Variants in TBC1D9 observed in about 807,000 individuals in gnomAD.
The protein encoded by TBC1D9 is TBC1 domain family member 9A.
TBC1D9 carries 63 observed loss-of-function variants against 132.0 expected under a neutral mutation model. The observed-to-expected ratio is 0.48, with a 90% CI of 0.39 to 0.59. The LOEUF (loss-of-function observed/expected upper bound fraction) is 0.59, where lower values mean the gene tolerates loss of function less well. TBC1D9 is among the 20% of genes least tolerant of loss of function. The pLI is 0.00. For missense variants in TBC1D9, 1,261 were observed against 1,592.7 expected (o/e 0.79, Z 3.54); for synonymous variants, 610 against 609.9 (o/e 1.00, Z 0.00).
intron 9 of TBC1D9, among the ~76,000 whole-genome samples, chr4:140,664,224 A>G (rs1356517637): frequency 6.6e-6 from 1 of 152,180 alleles, no homozygotes; most frequent in Admixed American, 6.5e-5. Flanking sequence ...ACAACGCATG[A>G]ATGAGTTCAT....
intron 13 of TBC1D9, among the ~76,000 whole-genome samples, chr4:140,649,640 T>A (rs1315149821): frequency 6.6e-6 from 1 of 151,940 alleles, no homozygotes; most frequent in Admixed American, 6.6e-5. Flanking sequence ...CCCCACACAC[T>A]CCCCCTTGAC....
intron 6 of TBC1D9, 30 bp downstream of exon 6, chr4:140,676,864 T>C (rs1453021653): frequency 2.5e-6 from 4 of 1,608,004 alleles, no homozygotes; most frequent in African/African-American, 1.3e-5. Flanking sequence ...CAAATGAAAC[T>C]TAAAATATCA....
intron 13 of TBC1D9, among the ~76,000 whole-genome samples, chr4:140,649,459 A>G (rs373352919): frequency 6.6e-6 from 1 of 152,002 alleles, no homozygotes; most frequent in African/African-American, 2.4e-5. Flanking sequence ...ATCAGAAAAA[A>G]CTCCAAATAC....
At chr4:140,726,166 G>GT (rs1436598066) in intron 1 of TBC1D9, among the ~76,000 whole-genome samples, 1 of 152,042 alleles carries the variant, frequency 6.6e-6, no homozygotes, top group African/African-American at 2.4e-5. Context: ...GTGCATGCCT[G>GT]TAATCCCAGC....
chr4:140,643,435 G>T, intron 13 of TBC1D9: 1 of 953,340 alleles, frequency 1.0e-6, no homozygotes. Context: ...AGGCCGGGCA[G>T]GAACTGCTCA....
intron 2 of TBC1D9, among the ~76,000 whole-genome samples, chr4:140,690,804 C>T (rs1391514879): frequency 2.0e-5 from 3 of 152,028 alleles, no homozygotes; most frequent in Non-Finnish European, 4.4e-5. Context: ...TGGTAAAGGG[C>T]AGAGCATGGT....
At chr4:140,703,617 A>C (rs1312110255) in intron 1 of TBC1D9, among the ~76,000 whole-genome samples, 1 of 152,208 alleles carries the variant, frequency 6.6e-6, no homozygotes, top group East Asian at 1.9e-4. Flanking sequence ...TAGACCATGC[A>C]GAAGTCCTAC....
intron 13 of TBC1D9, among the ~76,000 whole-genome samples, chr4:140,656,596 C>T (rs982497011): frequency 6.6e-6 from 1 of 152,198 alleles, no homozygotes; most frequent in African/African-American, 2.4e-5. Context: ...CCCAGCAAGG[C>T]TTTGTCTCTT....
chr4:140,630,894 C>T (rs1736784018), intron 16 of TBC1D9, among the ~76,000 whole-genome samples: 1 of 152,142 alleles, frequency 6.6e-6, no homozygotes, highest in Non-Finnish European at 1.5e-5. Flanking sequence ...TAGAACTTTA[C>T]TTGAATTGTT....
chr4:140,686,229 C>G (rs1319773312), intron 3 of TBC1D9, 115 bp downstream of exon 3: 2 of 622,300 alleles, frequency 3.2e-6, no homozygotes, highest in East Asian at 5.8e-5. Flanking sequence ...AAAATGTTAA[C>G]AGGTGAATTT....
At chr4:140,667,913 G>GT (rs1177526493) in intron 9 of TBC1D9, among the ~76,000 whole-genome samples, 15 of 151,916 alleles carry the variant, frequency 9.9e-5, no homozygotes, top group African/African-American at 3.4e-4. Flanking sequence ...AGAGCTATAG[G>GT]TTTTTTTAAA....
intron 6 of TBC1D9, among the ~76,000 whole-genome samples, chr4:140,672,477 C>G (rs1399065322): frequency 6.6e-6 from 1 of 152,008 alleles, no homozygotes; most frequent in Non-Finnish European, 1.5e-5. Context: ...TTTACTGGCT[C>G]TTTTGGTCAT....
chr4:140,693,988 T>C (rs1183476532), intron 2 of TBC1D9, among the ~76,000 whole-genome samples: 1 of 152,244 alleles, frequency 6.6e-6, no homozygotes, highest in Non-Finnish European at 1.5e-5. Flanking sequence ...GGAACATAAA[T>C]GTCTATCTTT....
Position 140,657,940 on chromosome 4 carries a change from T to C in TBC1D9, c.1922-128A>G, listed in dbSNP as rs1415005816. 9 of 1,074,286 alleles carry C rather than the reference T, an allele frequency of 8.4e-6. No individual in the cohort carries two copies. The East Asian group carries it at 1.9e-4, about 23-fold the overall frequency. The allele number at this position is 1,074,286 out of a possible 1,614,324, so 66.5% of individuals were successfully genotyped here. On this transcript the variant is annotated intron_variant, in intron 11 of 20. Coordinates refer to ENST00000442267, the MANE Select transcript of TBC1D9 (RefSeq NM_015130.3). ...TTTCTGCTGACTGTTCTGCTGTGACTGTTACTAGACCAAGGTGTCAACACA... is the reference window on the plus strand; with the variant it reads ...TTTCTGCTGACTGTTCTGCTGTGACCGTTACTAGACCAAGGTGTCAACACA...
At chr4:140,665,410 T>C (rs575878921) in intron 9 of TBC1D9, among the ~76,000 whole-genome samples, 1 of 152,288 alleles carries the variant, frequency 6.6e-6, no homozygotes, top group South Asian at 2.1e-4. Flanking sequence ...GATAACCCAA[T>C]TAAGAGCAGG....
intron 15 of TBC1D9, among the ~76,000 whole-genome samples, chr4:140,635,361 A>G (rs1222148126): frequency 6.6e-6 from 1 of 152,134 alleles, no homozygotes; most frequent in East Asian, 1.9e-4. Flanking sequence ...ACATGCCTGT[A>G]GTCCCAGCTA....
chr4:140,653,591 G>A (rs1273945227), intron 13 of TBC1D9, among the ~76,000 whole-genome samples: 1 of 152,122 alleles, frequency 6.6e-6, no homozygotes, highest in Non-Finnish European at 1.5e-5. Flanking sequence ...GTGATGTAAT[G>A]CACAGACAGG....
At chr4:140,658,756 A>G (rs920276889) in intron 11 of TBC1D9, among the ~76,000 whole-genome samples, 1 of 151,818 alleles carries the variant, frequency 6.6e-6, no homozygotes, top group Non-Finnish European at 1.5e-5. Flanking sequence ...GGTTGTAGTG[A>G]GCCAAATTCA....
chr4:140,668,994 C>A lies in TBC1D9; in HGVS notation c.1511G>T (p.Arg504Leu), dbSNP rs764603749. 6.2e-7 allele frequency: 1 copy of A among 1,613,922 alleles called. No homozygotes were observed. The highest frequency in any genetic ancestry group is 8.5e-7 in the Non-Finnish European group (1 of 1,179,852). Residue 504 changes from arginine to leucine, a missense_variant, in exon 9 of 21, where the codon CGC (arginine) becomes CTC (leucine). Transcript: ENST00000442267. ...AEYGQGICMY[R>L]TEKTRELVLK... ...CACCAGCTCCCGCGTTTTCTCTGTG[C>A]GGTACATGCAGATCCCTTGCCCATA...
Sources: allele counts gnomAD v4.1 joint callset (sites outside exome capture counted in the v4.1 genomes callset), GRCh38; gene constraint gnomAD v4.1.1; transcripts MANE v1.5; gene names NCBI Gene and HGNC (gene_info 2026-07-23, HGNC 2026-07-21).